Variants in DNAJC17 observed in about 807,000 individuals in gnomAD.
DNAJC17 encodes the protein dnaJ homolog subfamily C member 17.
Under a neutral mutation model 48.1 loss-of-function variants are expected in DNAJC17, and 35 were observed. The ratio of observed to expected loss-of-function variants is 0.73; its 90% CI spans 0.56 to 0.96. The LOEUF (loss-of-function observed/expected upper bound fraction) is 0.96, where lower values mean the gene tolerates loss of function less well. Among genes scored for constraint, DNAJC17 ranks in the 50% least tolerant of loss-of-function variants. The pLI is 0.00. For synonymous variants in DNAJC17, 117 were observed against 142.7 expected (o/e 0.82, Z 1.28); for missense variants, 355 against 377.1 (o/e 0.94, Z 0.48).
chr15:40,774,213 C>G, intron 9 of DNAJC17, 143 bp downstream of exon 9: 3 of 917,222 alleles, frequency 3.3e-6, no homozygotes, highest in Non-Finnish European at 5.0e-6. Context: ...GAGTCAGGGG[C>G]CCCTGGGAAG....
intron 1 of DNAJC17, among the ~76,000 whole-genome samples, chr15:40,797,241 A>C (rs1016496575): frequency 1.3e-5 from 2 of 152,174 alleles, no homozygotes; most frequent in African/African-American, 2.4e-5. Context: ...ATGATGGTAC[A>C]TGCCTATTGT....
At chr15:40,781,136 A>G (rs1386996273) in intron 1 of DNAJC17, among the ~76,000 whole-genome samples, 10 of 141,024 alleles carry the variant, frequency 7.1e-5, no homozygotes, top group African/African-American at 2.7e-4. Context: ...GTGGGACAAG[A>G]GCGAGACTCC....
intron 1 of DNAJC17, among the ~76,000 whole-genome samples, chr15:40,794,811 G>A (rs1318810735): frequency 6.6e-6 from 1 of 152,026 alleles, no homozygotes; most frequent in Non-Finnish European, 1.5e-5. Context: ...TCTGCCTTCC[G>A]GGTTCAAGTG....
chr15:40,794,100 C>G (rs1360614356), intron 1 of DNAJC17, among the ~76,000 whole-genome samples: 1 of 152,124 alleles, frequency 6.6e-6, no homozygotes, highest in East Asian at 1.9e-4. Context: ...ACTTTCAATC[C>G]CAGCACTTTG....
intron 1 of DNAJC17, among the ~76,000 whole-genome samples, chr15:40,805,928 G>T (rs1198084985): frequency 1.3e-5 from 2 of 151,914 alleles, no homozygotes; most frequent in African/African-American, 2.4e-5. Flanking sequence ...AAAAAATACT[G>T]TCTAGGACAT....
At chr15:40,774,163 C>G (rs1332417636) in intron 9 of DNAJC17, 193 bp downstream of exon 9, 1 of 659,406 alleles carries the variant, frequency 1.5e-6, no homozygotes, top group African/African-American at 1.8e-5. Flanking sequence ...CCCAGAGCAC[C>G]CCCCATCCAT....
intron 6 of DNAJC17, among the ~76,000 whole-genome samples, chr15:40,775,904 G>A (rs1403387405): frequency 6.6e-6 from 1 of 152,196 alleles, no homozygotes; most frequent in Non-Finnish European, 1.5e-5. Context: ...CGGGCACAAA[G>A]TGTCCCAGGG....
At chr15:40,783,151 A>G (rs1326423301) in intron 1 of DNAJC17, among the ~76,000 whole-genome samples, 1 of 151,912 alleles carries the variant, frequency 6.6e-6, no homozygotes, top group African/African-American at 2.4e-5. Flanking sequence ...TGCCTGCTTT[A>G]TTGTGCCTCC....
intron 1 of DNAJC17, among the ~76,000 whole-genome samples, chr15:40,782,962 C>T (rs1889544431): frequency 6.6e-6 from 1 of 152,192 alleles, no homozygotes; most frequent in African/African-American, 2.4e-5. Flanking sequence ...CACCGAAGCA[C>T]ATCTGCCCTG....
intron 10 of DNAJC17, chr15:40,771,402 G>A (rs1889137434): frequency 3.6e-6 from 1 of 278,778 alleles, no homozygotes; most frequent in Non-Finnish European, 7.3e-6. Context: ...GGTCAGATCA[G>A]GGAGTGGGAG....
At chr15:40,785,016 T>C (rs1051580304) in intron 1 of DNAJC17, among the ~76,000 whole-genome samples, 1 of 151,978 alleles carries the variant, frequency 6.6e-6, no homozygotes, top group Non-Finnish European at 1.5e-5. Context: ...GACAATCGCT[T>C]GAACCCAGGA....
At chr15:40,793,890 T>C (rs1199659181) in intron 1 of DNAJC17, among the ~76,000 whole-genome samples, 2 of 151,934 alleles carry the variant, frequency 1.3e-5, no homozygotes, top group African/African-American at 4.8e-5. Context: ...ACAAACTAGG[T>C]CATGGGGCAA....
chr15:40,796,028 C>T (rs1226577828), intron 1 of DNAJC17, among the ~76,000 whole-genome samples: 2 of 152,064 alleles, frequency 1.3e-5, no homozygotes, highest in East Asian at 3.8e-4. Flanking sequence ...GAATATAGGT[C>T]AGTATGACCT....
At chr15:40,796,247 G>C (rs1889937933) in intron 1 of DNAJC17, among the ~76,000 whole-genome samples, 1 of 152,192 alleles carries the variant, frequency 6.6e-6, no homozygotes, top group South Asian at 2.1e-4. Context: ...AACAGAGGAA[G>C]TCCTTTCCTT....
chr15:40,806,847 G>C (rs1222040191), intron 1 of DNAJC17, among the ~76,000 whole-genome samples: 1 of 152,074 alleles, frequency 6.6e-6, no homozygotes, highest in Non-Finnish European at 1.5e-5. Flanking sequence ...TCAGCTACTT[G>C]AAAAGAGTCA....
chr15:40,801,226 A>C (rs1321641641), intron 1 of DNAJC17, among the ~76,000 whole-genome samples: 1 of 152,234 alleles, frequency 6.6e-6, no homozygotes, highest in Non-Finnish European at 1.5e-5. Flanking sequence ...CAGAAGTAGG[A>C]GTGCAGAGGG....
chr15:40,775,238 C>G (rs1367500909), intron 7 of DNAJC17, 130 bp from the exon 8 acceptor site: 2 of 1,008,172 alleles, frequency 2.0e-6, no homozygotes, highest in African/African-American at 1.6e-5. Flanking sequence ...CTGGGGAGTG[C>G]CACCAGAAAC....
chr15:40,772,601 C>T (rs1032023833), intron 10 of DNAJC17, among the ~76,000 whole-genome samples: 2 of 152,214 alleles, frequency 1.3e-5, no homozygotes, highest in Non-Finnish European at 2.9e-5. Context: ...TCCAGTCACC[C>T]CAGTCAAGTG....
At position 40,799,310 on chromosome 15, in the gene DNAJC17, C is replaced by T. The variant is rs558678983; in HGVS notation, c.78+8059G>A. ...TCCTCTCCCTAGGAGCACTTCCACC[C>T]GAAACCCAGGTCCTCAACTTAAGGC... On this transcript the variant is annotated intron_variant, in intron 1 of 10. Transcript: ENST00000220496. 3.8e-4 allele frequency among the ~76,000 whole-genome samples: 57 copies of T among 151,684 alleles called. 1 individual carries two copies. Among genetic ancestry groups the T allele is most frequent in the African/African-American group, 1.2e-3 (49 of 41,380 alleles).
Sources: allele counts gnomAD v4.1 joint callset (sites outside exome capture counted in the v4.1 genomes callset), GRCh38; gene constraint gnomAD v4.1.1; transcripts MANE v1.5; gene names NCBI Gene and HGNC (gene_info 2026-07-23, HGNC 2026-07-21).